Variants in EXT1 observed in about 807,000 individuals in gnomAD.
EXT1 encodes the protein exostosin-1.
In EXT1, 20 loss-of-function variants were observed where a neutral mutation model predicts 82.5. The observed-to-expected ratio is 0.24, with a 90% CI of 0.17 to 0.35. EXT1 has a LOEUF of 0.35. EXT1 is among the 10% of genes least tolerant of loss of function. The pLI is 1.00. For missense variants in EXT1, 757 were observed against 936.5 expected, an observed-to-expected ratio of 0.81 and a Z score of 2.50; for synonymous variants, 348 against 350.8, an observed-to-expected ratio of 0.99 and a Z score of 0.09.
Position 117,861,739 on chromosome 8 carries a change from A to G in EXT1, c.963-24538T>C, listed in dbSNP as rs1404643492. On this transcript the variant is annotated intron_variant, in intron 1 of 10. Transcript: ENST00000378204. ...TTGAACTCCTGACCTTAAGTGATCC[A>G]CCCACCTCAGCCTCCCAGAGTGCTG... Among the ~76,000 whole-genome samples, 3 of 143,614 alleles carry G rather than the reference A, an allele frequency of 2.1e-5. 1 individual carries two copies. Among genetic ancestry groups the G allele is most frequent in the African/African-American group, 7.4e-5 (3 of 40,754 alleles). 94.2% of individuals were successfully genotyped at this position (143,614 alleles called of 152,430 possible).
intron 1 of EXT1, among the ~76,000 whole-genome samples, chr8:117,856,411 C>G (rs940275009): frequency 6.8e-6 from 1 of 147,386 alleles, no homozygotes; most frequent in African/African-American, 2.5e-5. Flanking sequence ...CCAGCCACCA[C>G]GCCTGGCTAA....
intron 1 of EXT1, among the ~76,000 whole-genome samples, chr8:117,907,714 T>C (rs1233731281): frequency 6.6e-6 from 1 of 152,208 alleles, no homozygotes; most frequent in African/African-American, 2.4e-5. Flanking sequence ...TCATACCACA[T>C]TGAACTTGGT....
intron 1 of EXT1, among the ~76,000 whole-genome samples, chr8:117,988,418 T>C (rs1374596788): frequency 1.3e-5 from 2 of 152,096 alleles, no homozygotes; most frequent in Non-Finnish European, 2.9e-5. Flanking sequence ...TGATTCTGAG[T>C]AGGTCTAGAG....
chr8:117,926,378 ACCAGGTAAAACC>A (rs990152208), intron 1 of EXT1, among the ~76,000 whole-genome samples: 1 of 152,204 alleles, frequency 6.6e-6, no homozygotes, highest in African/African-American at 2.4e-5. Context: ...TTTAAGACAG[ACCAGGTAAAACC>A]CCAGAGAGGG....
intron 1 of EXT1, among the ~76,000 whole-genome samples, chr8:118,073,176 G>T (rs2447528): frequency 0.41 from 63,038 of 152,070 alleles, 16,919 homozygotes; most frequent in African/African-American, 0.76. Context: ...CTAGGAGTCT[G>T]TACAAATTTT....
chr8:117,964,785 G>A (rs1586313245), intron 1 of EXT1, among the ~76,000 whole-genome samples: 1 of 152,072 alleles, frequency 6.6e-6, no homozygotes, highest in African/African-American at 2.4e-5. Context: ...TTACAGGCGT[G>A]TGCCACCATG....
chr8:117,943,563 A>T (rs147001124), intron 1 of EXT1, among the ~76,000 whole-genome samples: 283 of 152,338 alleles, frequency 1.9e-3, no homozygotes, highest in African/African-American at 6.5e-3. Context: ...GGCAGTGATG[A>T]TATTCCTGCA....
chr8:117,830,482 C>A, intron 3 of EXT1, 133 bp from the exon 4 acceptor site: 2 of 947,996 alleles, frequency 2.1e-6, no homozygotes, highest in South Asian at 1.7e-5. Context: ...TACTAAAAAT[C>A]ATCAATTCCT....
At chr8:117,948,455 C>G (rs968864680) in intron 1 of EXT1, among the ~76,000 whole-genome samples, 5 of 151,994 alleles carry the variant, frequency 3.3e-5, no homozygotes, top group African/African-American at 9.7e-5. Context: ...ATTTTAGGAT[C>G]ACGGACTCCA....
At chr8:118,055,812 T>C (rs1275532775) in intron 1 of EXT1, among the ~76,000 whole-genome samples, 1 of 152,192 alleles carries the variant, frequency 6.6e-6, no homozygotes, top group Non-Finnish European at 1.5e-5. Flanking sequence ...TGGGCTATGA[T>C]TACTATTAAT....
At chr8:117,922,562 T>C (rs1294475503) in intron 1 of EXT1, among the ~76,000 whole-genome samples, 1 of 152,150 alleles carries the variant, frequency 6.6e-6, no homozygotes, top group African/African-American at 2.4e-5. Flanking sequence ...ATTGAGGAAT[T>C]CTCCATTGTG....
chr8:117,870,832 C>T (rs1414897064), intron 1 of EXT1, among the ~76,000 whole-genome samples: 2 of 151,896 alleles, frequency 1.3e-5, no homozygotes, highest in Admixed American at 6.6e-5. Context: ...GTCACACACA[C>T]ACACACACAC....
intron 2 of EXT1, among the ~76,000 whole-genome samples, chr8:117,836,718 T>C (rs1415395543): frequency 6.6e-6 from 1 of 152,046 alleles, no homozygotes; most frequent in African/African-American, 2.4e-5. Context: ...TTCTCAAAAT[T>C]GAAAGGAACT....
intron 1 of EXT1, among the ~76,000 whole-genome samples, chr8:118,002,944 C>T (rs145793930): frequency 4.5e-4 from 68 of 152,218 alleles, no homozygotes; most frequent in African/African-American, 1.6e-3. Flanking sequence ...TTTATAGATG[C>T]ACAATTCCCA....
chr8:117,955,958 T>C (rs777547289), intron 1 of EXT1, among the ~76,000 whole-genome samples: 6 of 152,166 alleles, frequency 3.9e-5, no homozygotes, highest in Non-Finnish European at 7.4e-5. Context: ...ACCCCAGGCA[T>C]GACTGGTTCT....
At chr8:118,069,928 A>C (rs1354626684) in intron 1 of EXT1, among the ~76,000 whole-genome samples, 1 of 152,188 alleles carries the variant, frequency 6.6e-6, no homozygotes, top group Non-Finnish European at 1.5e-5. Context: ...GGTTTTCTAC[A>C]ACAATCCTAT....
rs35880608 is a variant in EXT1 at position 118,064,852 on chromosome 8, A to ATT, written c.962+45231_962+45232dup. ...TTCTTCAGCATCTGTTGTTTCCTGA[A>ATT]TTTTTTTTTTTTTTTTTTTTTCTGA... On this transcript the variant is annotated intron_variant, in intron 1 of 10. Transcript: ENST00000378204. Among the ~76,000 whole-genome samples, 68 of 123,046 alleles carry ATT rather than the reference A, an allele frequency of 5.5e-4. 1 individual carries two copies. Among genetic ancestry groups the ATT allele is most frequent in the Non-Finnish European group, 6.4e-4 (38 of 59,740 alleles). The allele number at this position is 123,046 out of a possible 152,430, so 80.7% of individuals were successfully genotyped here.
intron 1 of EXT1, among the ~76,000 whole-genome samples, chr8:117,880,578 G>T (rs1813041275): frequency 6.8e-6 from 1 of 147,942 alleles, no homozygotes. Context: ...ATATTGCTAT[G>T]TTTTGCCTCT....
At chr8:117,812,612 C>G (rs1823344802) in intron 8 of EXT1, among the ~76,000 whole-genome samples, 2 of 152,100 alleles carry the variant, frequency 1.3e-5, no homozygotes, top group African/African-American at 4.8e-5. Context: ...GGAGGGCAGG[C>G]CTGGGAGGAG....
Sources: gnomAD v4.1 joint callset for allele counts (sites outside exome capture counted in the v4.1 genomes callset) on GRCh38, gnomAD v4.1.1 for gene constraint, MANE v1.5 for transcripts, NCBI Gene and HGNC (gene_info 2026-07-23, HGNC 2026-07-21) for gene names.